Variants in MYOM2 observed in about 807,000 individuals in gnomAD.
MYOM2 encodes myomesin 2.
MYOM2 carries 254 observed loss-of-function variants against 187.6 expected under a neutral mutation model. The observed-to-expected ratio is 1.35, with a 90% CI of 1.22 to 1.50. The LOEUF (loss-of-function observed/expected upper bound fraction) is 1.50, where lower values mean the gene tolerates loss of function less well. Among genes scored for constraint, MYOM2 ranks in the 40% most tolerant of loss-of-function variants. The pLI, the probability that MYOM2 is intolerant of heterozygous loss-of-function variation, is 0.00. For synonymous variants in MYOM2, 981 were observed against 753.8 expected, an observed-to-expected ratio of 1.30 and a Z score of -4.94; for missense variants, 2,796 against 1,924.0, an observed-to-expected ratio of 1.45 and a Z score of -8.48.
chr8:2,125,294 C>G (rs1157414958), intron 31 of MYOM2, among the ~76,000 whole-genome samples: 3 of 152,214 alleles, frequency 2.0e-5, no homozygotes, highest in Non-Finnish European at 4.4e-5. Flanking sequence ...GCCAATTTCA[C>G]TCTTCTGCAT....
intron 13 of MYOM2, among the ~76,000 whole-genome samples, chr8:2,083,457 A>G (rs533615332): frequency 4.0e-5 from 6 of 148,178 alleles, no homozygotes; most frequent in East Asian, 2.0e-4. Flanking sequence ...GGCATCTCGC[A>G]TGTGCTTAGC....
intron 31 of MYOM2, chr8:2,127,863 C>G (rs985865920): frequency 2.0e-5 from 3 of 153,060 alleles, no homozygotes; most frequent in Non-Finnish European, 2.9e-5. Flanking sequence ...CGGAGGGGGC[C>G]TTTGTTTATT....
In MYOM2 at chr8:2,079,589, G is replaced by C; in HGVS notation, c.1492G>C (p.Ala498Pro). 1 of 1,614,142 alleles carries C rather than the reference G, an allele frequency of 6.2e-7. No individual in the cohort carries two copies. Among genetic ancestry groups the C allele is most frequent in the Non-Finnish European group, 8.5e-7 (1 of 1,180,032 alleles). ...AVHLEGEKEI[A>P]IYQDDLEGDA... ...TCATTTGGAGGGAGAGAAGGAGATTGCCATTTATCAGGATGACCTTGAAGG... is the reference window on the plus strand; with the variant it reads ...TCATTTGGAGGGAGAGAAGGAGATTCCCATTTATCAGGATGACCTTGAAGG... Residue 498 changes from alanine to proline, a missense_variant, in exon 13 of 37, where the codon GCC becomes CCC. Physicochemically the swap from Ala to Pro is conservative, Grantham distance 27. Transcript: ENST00000262113.
intron 5 of MYOM2, among the ~76,000 whole-genome samples, chr8:2,057,998 GTTTTTTTTTTTTTTTTT>G (rs572901199): frequency 2.7e-4 from 22 of 80,726 alleles, no homozygotes; most frequent in East Asian, 2.6e-3. Context: ...TTTTCAGAGG[GTTTTTTTTTTTTTTTTT>G]TTTTTTTTTT....
chr8:2,073,544 C>CGGGGAGGGGAGGCAGCCCTGG, intron 10 of MYOM2, 44 bp downstream of exon 10: 1 of 1,535,332 alleles, frequency 6.5e-7, no homozygotes, highest in Non-Finnish European at 8.7e-7. Context: ...TGTGTGTGCC[C>CGGGGAGGGGAGGCAGCCCTGG]GGGGAGGGGA....
intron 13 of MYOM2, 22 bp from the exon 14 acceptor site, chr8:2,085,241 A>G: frequency 6.2e-7 from 1 of 1,612,790 alleles, no homozygotes. Flanking sequence ...TTCAGCACTC[A>G]CCGAATTTAT....
chr8:2,085,586 T>C lies in MYOM2; in HGVS notation c.1644+196T>C, dbSNP rs1295892472. ...TGCGTGGCCCCACTGTTGTGATCTC[T>C]GCGTGGCCCCACTGTCGTGATCTCT... On this transcript the variant is annotated intron_variant, in intron 14 of 36. Coordinates refer to ENST00000262113, the MANE Select transcript of MYOM2 (RefSeq NM_003970.4). Among the ~76,000 whole-genome samples, 52 of 14,740 alleles carry C rather than the reference T, an allele frequency of 3.5e-3. 22 individuals carry two copies. Among genetic ancestry groups the C allele is most frequent in the Admixed American group, 5.9e-3 (8 of 1,356 alleles). The allele number at this position is 14,740 out of a possible 152,430, so 9.7% of individuals were successfully genotyped here. A position where few individuals can be genotyped will look rare whatever the true frequency, so the allele number is the denominator to read the frequency against.
chr8:2,105,258 T>C (rs1352794518), intron 21 of MYOM2, among the ~76,000 whole-genome samples: 2 of 152,144 alleles, frequency 1.3e-5, no homozygotes, highest in Non-Finnish European at 2.9e-5. Flanking sequence ...GGCCTCTTCA[T>C]CTCACCCTGC....
chr8:2,086,504 C>CGTGATCTCTGTGTGGCCTCCCACTGTT, intron 14 of MYOM2, among the ~76,000 whole-genome samples: 1 of 85,472 alleles, frequency 1.2e-5, no homozygotes, highest in East Asian at 4.0e-4. Flanking sequence ...CCCCCACTGT[C>CGTGATCTCTGTGTGGCCTCCCACTGTT]GTGATCTCTG....
chr8:2,103,581 A>G (rs1796790605), intron 21 of MYOM2, among the ~76,000 whole-genome samples: 1 of 151,170 alleles, frequency 6.6e-6, no homozygotes, highest in Non-Finnish European at 1.5e-5. Context: ...GAGAGTGTGC[A>G]TGTATTATGT....
At chr8:2,050,073 C>A (rs78508919) in intron 1 of MYOM2, among the ~76,000 whole-genome samples, 4,796 of 152,242 alleles carry the variant, frequency 0.032, 267 homozygotes, top group African/African-American at 0.11. Context: ...TCCCCCTTTG[C>A]ATGGTGGAGA....
At chr8:2,063,541 A>G (rs1237628185) in intron 6 of MYOM2, among the ~76,000 whole-genome samples, 3 of 152,242 alleles carry the variant, frequency 2.0e-5, no homozygotes, top group African/African-American at 4.8e-5. Flanking sequence ...TAATAGAACA[A>G]TCTATCTGGT....
At position 2,082,803 on chromosome 8, in the gene MYOM2, T is replaced by G. The variant is rs116858535; in HGVS notation, c.1517-2460T>G. ...GGGCATTTGCAGCCCACATGCTCAG[T>G]CATTTGCTCTGTGCTCTGCAGGACC... On this transcript the variant is annotated intron_variant, in intron 13 of 36. Transcript: ENST00000262113. 1.4e-3 allele frequency among the ~76,000 whole-genome samples: 208 copies of G among 152,330 alleles called. 2 individuals carry two copies. In the East Asian group the frequency reaches 0.032, roughly 24 times the overall value.
At chr8:2,125,606 T>G (rs1311384728) in intron 31 of MYOM2, among the ~76,000 whole-genome samples, 1 of 58,776 alleles carries the variant, frequency 1.7e-5, no homozygotes, top group Non-Finnish European at 3.6e-5. Context: ...TATTTTTCCT[T>G]TTTTTTTTTT....
chr8:2,064,415 G>C (rs957387194), intron 6 of MYOM2, among the ~76,000 whole-genome samples: 1 of 152,210 alleles, frequency 6.6e-6, no homozygotes, highest in Non-Finnish European at 1.5e-5. Context: ...GCTCCTTAGC[G>C]GGGCGCCTCC....
chr8:2,109,589 G>C, intron 25 of MYOM2, 58 bp downstream of exon 25: 2 of 1,534,958 alleles, frequency 1.3e-6, no homozygotes, highest in South Asian at 2.4e-5. Flanking sequence ...TGTTGTGGTA[G>C]GTCAGTTACT....
intron 3 of MYOM2, among the ~76,000 whole-genome samples, chr8:2,055,724 G>A (rs558821856): frequency 3.3e-4 from 50 of 152,292 alleles, no homozygotes; most frequent in African/African-American, 1.2e-3. Context: ...CATCGGAGCC[G>A]TGTGGGGTTG....
At chr8:2,122,741 C>A (rs769988760) in intron 28 of MYOM2, among the ~76,000 whole-genome samples, 2 of 152,162 alleles carry the variant, frequency 1.3e-5, no homozygotes, top group African/African-American at 4.8e-5. Flanking sequence ...TTCTAGCCAG[C>A]GATTGAATTG....
chr8:2,070,222 G>C (rs1042433486), intron 8 of MYOM2, among the ~76,000 whole-genome samples: 1 of 152,208 alleles, frequency 6.6e-6, no homozygotes, highest in Non-Finnish European at 1.5e-5. Context: ...GAATTGGCCT[G>C]AACTTCCCAG....
Sources: allele counts gnomAD v4.1 joint callset (sites outside exome capture counted in the v4.1 genomes callset), GRCh38; gene constraint gnomAD v4.1.1; transcripts MANE v1.5; gene names NCBI Gene and HGNC (gene_info 2026-07-23, HGNC 2026-07-21).